The following HS3ST4 variants were observed in gnomAD, a reference collection of about 807,000 sequenced individuals.
HS3ST4 encodes the protein heparan sulfate glucosamine 3-O-sulfotransferase 4.
In HS3ST4, 17 loss-of-function variants were observed where a neutral mutation model predicts 29.2. The observed-to-expected ratio is 0.58, with a 90% confidence interval of 0.40 to 0.87. The LOEUF (loss-of-function observed/expected upper bound fraction) is 0.87, where lower values mean the gene tolerates loss of function less well. Ranked by LOEUF, HS3ST4 falls within the 40% of genes least tolerant of loss-of-function variation. The pLI, the probability that HS3ST4 is intolerant of heterozygous loss-of-function variation, is 0.00. For missense variants in HS3ST4, 627 were observed against 634.5 expected, an observed-to-expected ratio of 0.99 and a Z score of 0.13; for synonymous variants, 314 against 285.7, an observed-to-expected ratio of 1.10 and a Z score of -1.00.
intron 1 of HS3ST4, among the ~76,000 whole-genome samples, chr16:26,013,634 T>C (rs898902298): frequency 6.6e-6 from 1 of 152,198 alleles, no homozygotes; most frequent in Non-Finnish European, 1.5e-5. Context: ...ATATTTCAAA[T>C]ATGTCGAAAG....
chr16:26,102,179 C>A (rs951748241), intron 1 of HS3ST4, among the ~76,000 whole-genome samples: 1 of 152,080 alleles, frequency 6.6e-6, no homozygotes, highest in Non-Finnish European at 1.5e-5. Flanking sequence ...AACATTAATC[C>A]TAAAACTGGC....
chr16:25,759,460 A>T (rs888673778), intron 1 of HS3ST4, among the ~76,000 whole-genome samples: 1 of 152,232 alleles, frequency 6.6e-6, no homozygotes, highest in Non-Finnish European at 1.5e-5. Context: ...TGAAATGACC[A>T]CACATACCAT....
intron 1 of HS3ST4, among the ~76,000 whole-genome samples, chr16:25,966,768 G>A (rs533681967): frequency 1.2e-4 from 19 of 152,282 alleles, no homozygotes; most frequent in African/African-American, 3.6e-4. Context: ...TTTGATGGTC[G>A]TGGTGGGCAG....
rs4787806 is a variant in HS3ST4, at chr16:26,042,936, G to C, written c.735-92676G>C. The stretch of plus-strand genomic sequence containing the variant: ...TTTACACTATAAATCCCTTTTCCCC[G>C]GTAACCTATAATATTAATATTAAAC... On this transcript the variant is annotated intron_variant, in intron 1 of 1. Transcript: ENST00000331351. Among the ~76,000 whole-genome samples the C allele has an allele frequency of 6.3e-3, 952 of 151,952 alleles. 3 individuals carry two copies. The highest frequency in any genetic ancestry group is 0.01 in the Non-Finnish European group (701 of 67,978).
chr16:25,888,628 C>T (rs150436114), intron 1 of HS3ST4, among the ~76,000 whole-genome samples: 1 of 152,190 alleles, frequency 6.6e-6, no homozygotes, highest in African/African-American at 2.4e-5. Context: ...GCTCACATGC[C>T]TGCCTACCCT....
intron 1 of HS3ST4, among the ~76,000 whole-genome samples, chr16:25,985,545 T>C (rs114570015): frequency 0.015 from 2,312 of 152,294 alleles, 57 homozygotes; most frequent in African/African-American, 0.052. Flanking sequence ...CATAATACAA[T>C]ACAGCTCTTG....
At chr16:25,770,878 G>C (rs768256384) in intron 1 of HS3ST4, among the ~76,000 whole-genome samples, 3 of 152,100 alleles carry the variant, frequency 2.0e-5, no homozygotes, top group Non-Finnish European at 4.4e-5. Context: ...TGCTTATGAC[G>C]TGTTGGGAAC....
At chr16:25,902,510 G>T (rs1225737459) in intron 1 of HS3ST4, among the ~76,000 whole-genome samples, 1 of 151,984 alleles carries the variant, frequency 6.6e-6, no homozygotes, top group East Asian at 1.9e-4. Context: ...AAAAAAAGAT[G>T]AAACCATAGA....
chr16:25,807,029 A>G (rs980095737), intron 1 of HS3ST4, among the ~76,000 whole-genome samples: 5 of 152,026 alleles, frequency 3.3e-5, no homozygotes, highest in Non-Finnish European at 7.4e-5. Context: ...CTGGAGTGCA[A>G]TGGTGCAGTC....
intron 1 of HS3ST4, among the ~76,000 whole-genome samples, chr16:25,971,142 C>A (rs111339050): frequency 3.3e-5 from 5 of 152,124 alleles, no homozygotes. Context: ...TGAGCCATTG[C>A]GTTCAGCCAC....
intron 1 of HS3ST4, among the ~76,000 whole-genome samples, chr16:26,115,194 C>G (rs973943485): frequency 7.1e-5 from 10 of 140,838 alleles, no homozygotes; most frequent in Admixed American, 2.8e-4. Context: ...ATTATGTATT[C>G]TATATAATTT....
chr16:25,807,036 A>G (rs1289230093), intron 1 of HS3ST4, among the ~76,000 whole-genome samples: 2 of 152,168 alleles, frequency 1.3e-5, no homozygotes, highest in Non-Finnish European at 2.9e-5. Flanking sequence ...GCAATGGTGC[A>G]GTCTCGACTC....
intron 1 of HS3ST4, among the ~76,000 whole-genome samples, chr16:25,837,242 G>C (rs1184706870): frequency 6.6e-6 from 1 of 152,182 alleles, no homozygotes; most frequent in Non-Finnish European, 1.5e-5. Context: ...ACGTTCAGAG[G>C]AATCACATGA....
intron 1 of HS3ST4, among the ~76,000 whole-genome samples, chr16:25,736,666 T>C (rs1180208275): frequency 6.6e-6 from 1 of 152,180 alleles, no homozygotes; most frequent in East Asian, 1.9e-4. Context: ...AATAAATTGG[T>C]TCCAGTATTC....
At chr16:25,780,116 T>C (rs1207426247) in intron 1 of HS3ST4, among the ~76,000 whole-genome samples, 2 of 152,206 alleles carry the variant, frequency 1.3e-5, no homozygotes. Flanking sequence ...CCCCTGTGAA[T>C]GAGTTCCTCA....
chr16:25,899,164 T>A (rs978181034), intron 1 of HS3ST4, among the ~76,000 whole-genome samples: 3 of 152,214 alleles, frequency 2.0e-5, no homozygotes, highest in Non-Finnish European at 4.4e-5. Flanking sequence ...ATGGCACACG[T>A]CCATGCATTT....
At chr16:25,820,808 T>C (rs1431859629) in intron 1 of HS3ST4, among the ~76,000 whole-genome samples, 3 of 151,898 alleles carry the variant, frequency 2.0e-5, no homozygotes, top group African/African-American at 7.3e-5. Context: ...TAGGCTCAAG[T>C]GATCTTCCTG....
intron 1 of HS3ST4, among the ~76,000 whole-genome samples, chr16:26,049,204 A>C (rs1306185598): frequency 6.6e-6 from 1 of 152,090 alleles, no homozygotes; most frequent in Non-Finnish European, 1.5e-5. Flanking sequence ...TGAACAAAGC[A>C]CAATAAGTCC....
At chr16:25,782,853 C>A (rs1966853856) in intron 1 of HS3ST4, among the ~76,000 whole-genome samples, 1 of 152,086 alleles carries the variant, frequency 6.6e-6, no homozygotes, top group Non-Finnish European at 1.5e-5. Context: ...CAAACATGAG[C>A]GTATGAAATG....
Sources: allele counts gnomAD v4.1 joint callset (sites outside exome capture counted in the v4.1 genomes callset), GRCh38; gene constraint gnomAD v4.1.1; transcripts MANE v1.5; gene names NCBI Gene and HGNC (gene_info 2026-07-23, HGNC 2026-07-21).